The following LRRTM4 variants were observed in gnomAD, a reference collection of about 807,000 sequenced individuals.
The protein encoded by LRRTM4 is leucine rich repeat transmembrane neuronal 4, also known as leucine-rich repeat transmembrane neuronal protein 4.
Under a neutral mutation model 47.6 loss-of-function variants are expected in LRRTM4, and 25 were observed. That is an observed-to-expected ratio of 0.53 (90% confidence interval 0.38 to 0.73). The LOEUF (loss-of-function observed/expected upper bound fraction) is 0.73, where lower values mean the gene tolerates loss of function less well. Ranked by LOEUF, LRRTM4 falls within the 30% of genes least tolerant of loss-of-function variation. The probability of loss-of-function intolerance (pLI) is 0.00; values close to 1 mark genes in which losing one functional copy is unlikely to be tolerated. For missense variants in LRRTM4, 638 were observed against 713.4 expected (o/e 0.89, Z 1.20); for synonymous variants, 311 against 269.5 (o/e 1.15, Z -1.51).
At chr2:77,182,745 G>C (rs1673385059) in intron 3 of LRRTM4, among the ~76,000 whole-genome samples, 6 of 152,044 alleles carry the variant, frequency 3.9e-5, no homozygotes, top group Admixed American at 3.9e-4. Flanking sequence ...TCCCTGCCTT[G>C]CGCCAGTTTT....
intron 3 of LRRTM4, among the ~76,000 whole-genome samples, chr2:77,362,169 GA>G (rs1246799191): frequency 1.8e-4 from 28 of 151,760 alleles, no homozygotes; most frequent in Middle Eastern, 3.4e-3. Flanking sequence ...AAGAAAGAAA[GA>G]AAGGAAGGAA....
chr2:76,856,664 T>G (rs1672161154), intron 3 of LRRTM4, among the ~76,000 whole-genome samples: 1 of 152,176 alleles, frequency 6.6e-6, no homozygotes, highest in African/African-American at 2.4e-5. Flanking sequence ...TGCTTATTTA[T>G]CAGTAAAATG....
intron 3 of LRRTM4, among the ~76,000 whole-genome samples, chr2:76,795,331 T>C (rs1675220467): frequency 6.8e-6 from 1 of 147,652 alleles, no homozygotes; most frequent in Non-Finnish European, 1.5e-5. Flanking sequence ...AGTTCATCTT[T>C]CATGTCTGTG....
At chr2:76,843,481 T>G (rs563536508) in intron 3 of LRRTM4, among the ~76,000 whole-genome samples, 2 of 152,292 alleles carry the variant, frequency 1.3e-5, no homozygotes, top group African/African-American at 4.8e-5. Flanking sequence ...GTCAGTTGCT[T>G]CCATGGAAAA....
chr2:76,788,943 TATTTTCTACATTG>T, intron 3 of LRRTM4, among the ~76,000 whole-genome samples: 1 of 152,328 alleles, frequency 6.6e-6, no homozygotes, highest in East Asian at 1.9e-4. Context: ...AAAAAGGTTT[TATTTTCTACATTG>T]TACAGATGAG....
intron 3 of LRRTM4, among the ~76,000 whole-genome samples, chr2:77,373,809 A>G (rs1672734335): frequency 6.6e-6 from 1 of 151,808 alleles, no homozygotes; most frequent in Non-Finnish European, 1.5e-5. Flanking sequence ...GCGGAGATAC[A>G]TTCCTATTAA....
At chr2:76,782,217 C>G (rs544423626) in intron 3 of LRRTM4, among the ~76,000 whole-genome samples, 2 of 152,180 alleles carry the variant, frequency 1.3e-5, no homozygotes, top group Admixed American at 6.5e-5. Context: ...GTTGCTGCAG[C>G]GATGGCTTCA....
rs1480774578 is a variant in LRRTM4, at chr2:76,798,799, A to G, written c.1552-49883T>C. 7.8e-4 allele frequency among the ~76,000 whole-genome samples: 118 copies of G among 152,054 alleles called. No individual in the cohort carries two copies. In the East Asian group the frequency reaches 0.018, roughly 23 times the overall value. ...CACCGATCCCACAGAAATACAAACT[A>G]CCATCAGAGAATACTACAAACACCT... On this transcript the variant is annotated intron_variant, in intron 3 of 3. Transcript: ENST00000409884.
At chr2:77,244,852 C>CA (rs1227113553) in intron 3 of LRRTM4, among the ~76,000 whole-genome samples, 1 of 152,108 alleles carries the variant, frequency 6.6e-6, no homozygotes, top group East Asian at 1.9e-4. Flanking sequence ...TAAAGGGTCT[C>CA]AGCCCAAAGT....
At chr2:76,965,482 A>G (rs1350671793) in intron 3 of LRRTM4, among the ~76,000 whole-genome samples, 1 of 151,406 alleles carries the variant, frequency 6.6e-6, no homozygotes, top group East Asian at 1.9e-4. Context: ...TTTGATGAGC[A>G]GAAACATCTT....
chr2:76,831,282 G>A (rs1671344852), intron 3 of LRRTM4, among the ~76,000 whole-genome samples: 1 of 152,136 alleles, frequency 6.6e-6, no homozygotes, highest in Non-Finnish European at 1.5e-5. Flanking sequence ...TGCAACTACA[G>A]GATACTATTT....
chr2:77,371,882 G>C (rs758348513), intron 3 of LRRTM4, among the ~76,000 whole-genome samples: 43 of 151,778 alleles, frequency 2.8e-4, no homozygotes, highest in Admixed American at 3.3e-4. Context: ...GTACTTGAAG[G>C]CTAACAAGCT....
intron 3 of LRRTM4, among the ~76,000 whole-genome samples, chr2:77,308,883 C>CGTCTCT (rs776684688): frequency 1.8e-4 from 27 of 151,990 alleles, no homozygotes; most frequent in Non-Finnish European, 3.7e-4. Flanking sequence ...GCAAACTCCA[C>CGTCTCT]GTCTCTGTAG....
chr2:77,278,965 T>G (rs981085953), intron 3 of LRRTM4, among the ~76,000 whole-genome samples: 1 of 151,960 alleles, frequency 6.6e-6, no homozygotes, highest in African/African-American at 2.4e-5. Context: ...GTGATTATAA[T>G]AGGCAATGAT....
chr2:77,047,528 G>C (rs114021374), intron 3 of LRRTM4, among the ~76,000 whole-genome samples: 2,274 of 151,972 alleles, frequency 0.015, 66 homozygotes, highest in African/African-American at 0.052. Context: ...GCAATCTTTG[G>C]CATTCATCAG....
At chr2:77,318,000 CTTTTTTTT>C (rs61212194) in intron 3 of LRRTM4, among the ~76,000 whole-genome samples, 1 of 99,760 alleles carries the variant, frequency 1.0e-5, no homozygotes, top group Non-Finnish European at 1.8e-5. Flanking sequence ...ATTCCTAACA[CTTTTTTTT>C]TTTTTTTTTT....
At chr2:77,080,785 C>T (rs191225715) in intron 3 of LRRTM4, among the ~76,000 whole-genome samples, 3 of 152,328 alleles carry the variant, frequency 2.0e-5, no homozygotes, top group Admixed American at 2.0e-4. Context: ...ATCATCATCT[C>T]TTGCCCTCAA....
At chr2:76,996,948 T>C (rs1390874646) in intron 3 of LRRTM4, among the ~76,000 whole-genome samples, 1 of 152,068 alleles carries the variant, frequency 6.6e-6, no homozygotes, top group Non-Finnish European at 1.5e-5. Context: ...ACAGCACATA[T>C]CAAGCCTGGC....
At chr2:77,051,531 G>C (rs1026141670) in intron 3 of LRRTM4, among the ~76,000 whole-genome samples, 1 of 152,156 alleles carries the variant, frequency 6.6e-6, no homozygotes. Flanking sequence ...CTAAGACTGA[G>C]TGACTGAAGC....
Sources: gnomAD v4.1 joint callset for allele counts (sites outside exome capture counted in the v4.1 genomes callset) on GRCh38, gnomAD v4.1.1 for gene constraint, MANE v1.5 for transcripts, NCBI Gene and HGNC (gene_info 2026-07-23, HGNC 2026-07-21) for gene names.